FBXW11: variants seen among roughly 807,000 people sequenced by gnomAD.
FBXW11 encodes the protein F-box/WD repeat-containing protein 11.
FBXW11 carries 19 observed loss-of-function variants against 77.6 expected under a neutral mutation model. That is an observed-to-expected ratio of 0.24 (90% confidence interval 0.17 to 0.36). The LOEUF (loss-of-function observed/expected upper bound fraction) is 0.36, where lower values mean the gene tolerates loss of function less well. Among genes scored for constraint, FBXW11 ranks in the 10% least tolerant of loss-of-function variants. FBXW11 has a pLI of 1.00. For missense variants in FBXW11, 334 were observed against 704.2 expected (o/e 0.47, Z 5.95); for synonymous variants, 235 against 249.4 (o/e 0.94, Z 0.54).
At chr5:172,002,386 G>C (rs1458897630) in intron 1 of FBXW11, among the ~76,000 whole-genome samples, 4 of 151,576 alleles carry the variant, frequency 2.6e-5, no homozygotes, top group Admixed American at 2.6e-4. Flanking sequence ...CTTTAGGCAG[G>C]TCAGTGAGGT....
chr5:172,000,186 G>A (rs114430962), intron 1 of FBXW11, among the ~76,000 whole-genome samples: 4 of 152,170 alleles, frequency 2.6e-5, no homozygotes, highest in African/African-American at 9.7e-5. Flanking sequence ...AGAAAATCTT[G>A]TATGAATTCT....
chr5:171,942,431 C>T (rs1835952), intron 2 of FBXW11, among the ~76,000 whole-genome samples: 2,514 of 151,904 alleles, frequency 0.017, 66 homozygotes, highest in African/African-American at 0.057. Flanking sequence ...AGCTGTTTCA[C>T]AGTCTGTCAA....
intron 1 of FBXW11, among the ~76,000 whole-genome samples, chr5:171,999,807 C>A (rs570744653): frequency 6.6e-6 from 1 of 151,522 alleles, no homozygotes; most frequent in East Asian, 1.9e-4. Flanking sequence ...CTCTCTATCA[C>A]AAGCCAAAGA....
At chr5:171,952,046 C>T (rs1367604444) in intron 2 of FBXW11, among the ~76,000 whole-genome samples, 3 of 151,932 alleles carry the variant, frequency 2.0e-5, no homozygotes, top group African/African-American at 7.3e-5. Context: ...TAGATAAATC[C>T]AGAGCCATTC....
At chr5:171,900,724 A>G (rs1561664768) in intron 4 of FBXW11, among the ~76,000 whole-genome samples, 1 of 152,196 alleles carries the variant, frequency 6.6e-6, no homozygotes, top group African/African-American at 2.4e-5. Flanking sequence ...CAATCTTTTC[A>G]TCTCCCTTTC....
At position 171,872,022 on chromosome 5, in the gene FBXW11, T is replaced by C. The variant is rs572571874; in HGVS notation, c.1340+850A>G. Among the ~76,000 whole-genome samples, 8 of 152,310 alleles carry C rather than the reference T, an allele frequency of 5.3e-5. No homozygotes were observed. The South Asian group carries it at 1.5e-3, about 28-fold the overall frequency. On this transcript the variant is annotated intron_variant, in intron 10 of 13. Transcript: ENST00000517395. ...ATCAAGATTTAAGCTCTAAACTAAATTTATGGTATCTTGAAGCCTAAAGTG... is the reference window on the plus strand; with the variant it reads ...ATCAAGATTTAAGCTCTAAACTAAACTTATGGTATCTTGAAGCCTAAAGTG...
chr5:171,998,771 T>G (rs1437973721), intron 1 of FBXW11, among the ~76,000 whole-genome samples: 1 of 137,382 alleles, frequency 7.3e-6, no homozygotes. Flanking sequence ...TACTCCAGCC[T>G]GGTTAACAGA....
Position 171,989,766 on chromosome 5 carries a change from T to C in FBXW11, c.45+16692A>G, listed in dbSNP as rs1765633435. ...TTTGTTTGTTTTAAAGAAGTGAGAGTGGTATCAAAGACATTCTTGAGACAA... is the reference window on the plus strand; with the variant it reads ...TTTGTTTGTTTTAAAGAAGTGAGAGCGGTATCAAAGACATTCTTGAGACAA... On this transcript the variant is annotated intron_variant, in intron 1 of 13. Transcript: ENST00000517395. 4.6e-5 allele frequency among the ~76,000 whole-genome samples: 7 copies of C among 152,142 alleles called. No homozygotes were observed. The South Asian group carries it at 1.4e-3, about 31-fold the overall frequency.
intron 1 of FBXW11, among the ~76,000 whole-genome samples, chr5:171,985,377 C>A (rs1228965954): frequency 6.6e-6 from 1 of 152,174 alleles, no homozygotes; most frequent in Non-Finnish European, 1.5e-5. Flanking sequence ...GTAACCCCAA[C>A]AGCTCAGGAG....
At position 171,862,589 on chromosome 5, in the gene FBXW11, G is replaced by C. The variant is rs780301641; in HGVS notation, c.*1538C>G. On this transcript the variant is annotated 3_prime_UTR_variant, in exon 14 of 14. Transcript: ENST00000517395. ...CCTAATATTGAATAAGGGAGAAGGA[G>C]TGCCAATTGGATGCCAACGTCCTTT... is the stretch of plus-strand genomic sequence containing the variant. The C allele has an allele frequency of 6.5e-6, 1 of 152,712 alleles. No homozygotes were observed. The highest frequency in any genetic ancestry group is 1.5e-5 in the Non-Finnish European group (1 of 68,062). The allele number at this position is 152,712 out of a possible 1,614,324, so 9.5% of individuals were successfully genotyped here.
intron 4 of FBXW11, 124 bp downstream of exon 4, chr5:171,910,448 G>GT (rs1376152390): frequency 5.1e-6 from 3 of 586,338 alleles, no homozygotes; most frequent in Non-Finnish European, 9.0e-6. Flanking sequence ...ATATATTAAA[G>GT]TATGCGTCCC....
chr5:172,001,786 T>C (rs1421409012), intron 1 of FBXW11, among the ~76,000 whole-genome samples: 1 of 152,200 alleles, frequency 6.6e-6, no homozygotes, highest in African/African-American at 2.4e-5. Flanking sequence ...TTAGCATAAA[T>C]GAAAGAGAAG....
At chr5:171,924,608 C>T (rs976005339) in intron 2 of FBXW11, among the ~76,000 whole-genome samples, 8 of 152,124 alleles carry the variant, frequency 5.3e-5, no homozygotes, top group Admixed American at 1.3e-4. Flanking sequence ...GTAGGTAAAA[C>T]GCTGTAATAC....
chr5:172,001,780 C>T lies in FBXW11; in HGVS notation c.45+4678G>A, dbSNP rs1380734757. On this transcript the variant is annotated intron_variant, in intron 1 of 13. Coordinates refer to ENST00000517395, the MANE Select transcript of FBXW11 (RefSeq NM_001378974.1). ...TTATGGGTGGATAGGACTTCATTAG[C>T]ATAAATGAAAGAGAAGATTGCTGAG... Among the ~76,000 whole-genome samples the T allele has an allele frequency of 2.0e-5, 3 of 152,210 alleles. No individual in the cohort carries two copies. The East Asian group carries it at 5.8e-4, about 29-fold the overall frequency.
intron 2 of FBXW11, among the ~76,000 whole-genome samples, chr5:171,927,291 T>C (rs1761942303): frequency 6.6e-6 from 1 of 152,212 alleles, no homozygotes; most frequent in South Asian, 2.1e-4. Flanking sequence ...ATTAGTTTTG[T>C]GATATGCAAA....
At chr5:171,930,754 T>TAAAAAAAAAAAAAAAAAAAAAAAAAAA (rs1300857997) in intron 2 of FBXW11, among the ~76,000 whole-genome samples, 2 of 32,332 alleles carry the variant, frequency 6.2e-5, no homozygotes, top group African/African-American at 8.5e-5. Context: ...AAATAAAAAA[T>TAAAAAAAAAAAAAAAAAAAAAAAAAAA]AAAAAAATAA....
chr5:171,950,656 C>T (rs985269319), intron 2 of FBXW11, among the ~76,000 whole-genome samples: 5 of 152,082 alleles, frequency 3.3e-5, no homozygotes, highest in Admixed American at 1.3e-4. Context: ...GAGGCTGAGG[C>T]GGGCAGACCA....
chr5:171,880,607 T>C (rs1758434332), intron 7 of FBXW11, among the ~76,000 whole-genome samples: 1 of 152,232 alleles, frequency 6.6e-6, no homozygotes, highest in Non-Finnish European at 1.5e-5. Flanking sequence ...ATTTCTTTAA[T>C]CAGTTTTATA....
At chr5:171,901,270 A>G (rs1181808947) in intron 4 of FBXW11, among the ~76,000 whole-genome samples, 1 of 152,206 alleles carries the variant, frequency 6.6e-6, no homozygotes, top group African/African-American at 2.4e-5. Context: ...TCTTTTCTCA[A>G]AATAATTAGA....
Sources: gnomAD v4.1 joint callset for allele counts (sites outside exome capture counted in the v4.1 genomes callset) on GRCh38, gnomAD v4.1.1 for gene constraint, MANE v1.5 for transcripts, NCBI Gene and HGNC (gene_info 2026-07-23, HGNC 2026-07-21) for gene names.